The following TNFRSF10D variants were observed in gnomAD, a reference collection of about 807,000 sequenced individuals.
TNFRSF10D encodes the protein TNF receptor superfamily member 10d.
TNFRSF10D carries 28 observed loss-of-function variants against 42.1 expected under a neutral mutation model. That is an observed-to-expected ratio of 0.66 (90% CI 0.49 to 0.91). TNFRSF10D has a LOEUF of 0.91. TNFRSF10D is among the 40% of genes least tolerant of loss of function. The pLI is 0.00. For missense variants in TNFRSF10D, 503 were observed against 486.1 expected, an observed-to-expected ratio of 1.03 and a Z score of -0.33; for synonymous variants, 186 against 189.4, an observed-to-expected ratio of 0.98 and a Z score of 0.15.
chr8:23,163,867 C>T lies in TNFRSF10D; in HGVS notation c.69G>A (p.Arg23=). 10 of 1,603,758 alleles carry T rather than the reference C, an allele frequency of 6.2e-6. No homozygotes were observed. Among genetic ancestry groups the T allele is most frequent in the South Asian group, 1.1e-5 (1 of 89,284 alleles). ...SARAGRYPGA[R]TASGTRPWLL... ...GCCATGGTCTGGTTCCCGACGCTGTCCTGGCTCCTGGATAGCGCCCTGCTC... is the reference window on the plus strand; with the variant it reads ...GCCATGGTCTGGTTCCCGACGCTGTTCTGGCTCCTGGATAGCGCCCTGCTC... The change falls in exon 1 of 9, where the codon AGG becomes AGA. Residue 23 remains arginine (R), a synonymous_variant. Transcript: ENST00000312584.
chr8:23,163,902 A>G lies in TNFRSF10D; in HGVS notation c.34T>C (p.Ser12Pro). 6.3e-7 allele frequency: 1 copy of G among 1,589,638 alleles called. No homozygotes were observed. The highest frequency in any genetic ancestry group is 8.5e-7 in the Non-Finnish European group (1 of 1,171,062). The change falls in exon 1 of 9, where the codon TCG becomes CCG. Residue 12 changes from serine to proline, a missense_variant. Transcript: ENST00000312584. Reference protein sequence around the residue: ...GLWGQSVPTASSARAGRYPGA... With the variant: ...GLWGQSVPTAPSARAGRYPGA... ...GGATAGCGCCCTGCTCGAGCGCTCGAGGCGGTCGGGACGCTTTGTCCCCAA... is the reference window on the plus strand; with the variant it reads ...GGATAGCGCCCTGCTCGAGCGCTCGGGGCGGTCGGGACGCTTTGTCCCCAA...
chr8:23,161,453 A>G (rs1309590028), intron 1 of TNFRSF10D, among the ~76,000 whole-genome samples: 3 of 152,232 alleles, frequency 2.0e-5, no homozygotes, highest in Non-Finnish European at 4.4e-5. Flanking sequence ...CTCCAGGCTC[A>G]TCTGATGTCC....
At position 23,163,819 on chromosome 8, in the gene TNFRSF10D, C is replaced by A. The variant is rs1218937552; in HGVS notation, c.117G>T (p.Lys39Asn). The A allele has an allele frequency of 6.2e-7, 1 of 1,609,290 alleles. No homozygotes were observed. ...RPWLLDPKIL[K>N]FVVFIVAVLL... is the part of the protein sequence containing the mutation. Reference sequence around the variant, plus strand: ...GAACCGCGACGATGAAGACGACGAACTTAAGGATCTTGGGGTCCAGGAGCC... The same window carrying A: ...GAACCGCGACGATGAAGACGACGAAATTAAGGATCTTGGGGTCCAGGAGCC... The change falls in exon 1 of 9, where the codon AAG becomes AAT. Residue 39 changes from lysine (K) to asparagine (N), a missense_variant. Coordinates refer to ENST00000312584, the MANE Select transcript of TNFRSF10D (RefSeq NM_003840.5).
chr8:23,159,654 G>C (rs1056492332), intron 1 of TNFRSF10D, among the ~76,000 whole-genome samples: 1 of 152,162 alleles, frequency 6.6e-6, no homozygotes, highest in East Asian at 1.9e-4. Context: ...ACCTGAGCTC[G>C]ACTTCGAGAC....
intron 2 of TNFRSF10D, 28 bp downstream of exon 2, chr8:23,154,846 A>G: frequency 1.9e-6 from 3 of 1,580,896 alleles, no homozygotes; most frequent in East Asian, 2.3e-5. Flanking sequence ...AACTAAAAAT[A>G]AACTGATTTT....
At chr8:23,163,260 G>T (rs1343270898) in intron 1 of TNFRSF10D, among the ~76,000 whole-genome samples, 1 of 152,008 alleles carries the variant, frequency 6.6e-6, no homozygotes, top group African/African-American at 2.4e-5. Flanking sequence ...CCGCCATCAC[G>T]TCCGGCTAAT....
intron 1 of TNFRSF10D, 45 bp downstream of exon 1, chr8:23,163,741 G>A (rs772471964): frequency 1.3e-6 from 2 of 1,591,842 alleles, no homozygotes; most frequent in Non-Finnish European, 1.7e-6. Flanking sequence ...CACTCCCGGC[G>A]CCAGGTGCGC....
chr8:23,136,549 C>T lies in TNFRSF10D; in HGVS notation c.*1321G>A, dbSNP rs878948468. The stretch of plus-strand genomic sequence containing the variant: ...GGCAGATGCCGGGGCAGATAAACAC[C>T]TGCTCTGCCCTGAGCCCAAATGAGG... On this transcript the variant is annotated 3_prime_UTR_variant, in exon 9 of 9. Coordinates refer to ENST00000312584, the MANE Select transcript of TNFRSF10D (RefSeq NM_003840.5). 983 of 159,140 alleles carry T rather than the reference C, an allele frequency of 6.2e-3. No individual in the cohort carries two copies. Among genetic ancestry groups the T allele is most frequent in the South Asian group, 0.02 (110 of 5,626 alleles). 9.9% of individuals were successfully genotyped at this position (159,140 alleles called of 1,614,324 possible). A position where few individuals can be genotyped will look rare whatever the true frequency, so the allele number is the denominator to read the frequency against.
In TNFRSF10D at chr8:23,137,807, G is replaced by A. The variant is rs1485298406; in HGVS notation, c.*63C>T. 1 of 1,565,410 alleles carries A rather than the reference G, an allele frequency of 6.4e-7. No homozygotes were observed. Among genetic ancestry groups the A allele is most frequent in the African/African-American group, 1.4e-5 (1 of 73,186 alleles). The stretch of plus-strand genomic sequence containing the variant: ...TCAAGTACTGGACTGTTTCTTCCAG[G>A]CTGCTTCCCTTTGTAGGAGAAAAGG... On this transcript the variant is annotated 3_prime_UTR_variant, in exon 9 of 9. Coordinates refer to ENST00000312584, the MANE Select transcript of TNFRSF10D (RefSeq NM_003840.5).
intron 2 of TNFRSF10D, among the ~76,000 whole-genome samples, chr8:23,150,370 C>T (rs1463050917): frequency 1.3e-5 from 2 of 152,218 alleles, no homozygotes; most frequent in Non-Finnish European, 2.9e-5. Flanking sequence ...ACCACATGGC[C>T]TGCCCAGAAT....
At chr8:23,163,637 C>T in intron 1 of TNFRSF10D, 149 bp downstream of exon 1, 4 of 1,299,502 alleles carry the variant, frequency 3.1e-6, no homozygotes, top group Middle Eastern at 1.9e-4. Context: ...CCACTCTTCC[C>T]CTGACTCCGA....
At chr8:23,154,598 C>G (rs962316503) in intron 2 of TNFRSF10D, among the ~76,000 whole-genome samples, 2 of 151,904 alleles carry the variant, frequency 1.3e-5, no homozygotes, top group Non-Finnish European at 2.9e-5. Flanking sequence ...TGGTTGCAAC[C>G]ACGGATGCAA....
intron 2 of TNFRSF10D, among the ~76,000 whole-genome samples, chr8:23,149,001 T>G (rs372750998): frequency 2.0e-5 from 3 of 151,456 alleles, no homozygotes; most frequent in Admixed American, 6.6e-5. Flanking sequence ...CCATCCTGGC[T>G]AACACAGTGA....
At chr8:23,154,211 A>C (rs115840202) in intron 2 of TNFRSF10D, among the ~76,000 whole-genome samples, 936 of 152,222 alleles carry the variant, frequency 6.1e-3, no homozygotes, top group African/African-American at 0.019. Flanking sequence ...CCAGCGCTGT[A>C]TTTGCACGGT....
chr8:23,163,638 C>T (rs1800407523), intron 1 of TNFRSF10D, 148 bp downstream of exon 1: 1 of 1,307,442 alleles, frequency 7.6e-7, no homozygotes, highest in Non-Finnish European at 1.0e-6. Flanking sequence ...CACTCTTCCC[C>T]TGACTCCGAC....
intron 7 of TNFRSF10D, among the ~76,000 whole-genome samples, chr8:23,140,422 C>G (rs1321530147): frequency 2.0e-5 from 3 of 147,536 alleles, no homozygotes; most frequent in African/African-American, 7.5e-5. Flanking sequence ...ACACACAATA[C>G]CTAGAAATAC....
At chr8:23,140,005 C>T (rs1305272228) in intron 7 of TNFRSF10D, among the ~76,000 whole-genome samples, 4 of 151,948 alleles carry the variant, frequency 2.6e-5, no homozygotes, top group South Asian at 2.1e-4. Context: ...ATTAACGGGG[C>T]GTAGCTGGGT....
At chr8:23,149,387 A>G (rs1021133843) in intron 2 of TNFRSF10D, among the ~76,000 whole-genome samples, 10 of 150,966 alleles carry the variant, frequency 6.6e-5, no homozygotes, top group Admixed American at 6.6e-4. Context: ...ACAGGCACCC[A>G]CCACCACGCC....
chr8:23,158,441 A>T (rs1800311635), intron 1 of TNFRSF10D, among the ~76,000 whole-genome samples: 1 of 152,210 alleles, frequency 6.6e-6, no homozygotes, highest in Non-Finnish European at 1.5e-5. Flanking sequence ...CACAGACAGC[A>T]TCTGTGTCTT....
Sources: allele counts gnomAD v4.1 joint callset (sites outside exome capture counted in the v4.1 genomes callset), GRCh38; gene constraint gnomAD v4.1.1; transcripts MANE v1.5; gene names NCBI Gene and HGNC (gene_info 2026-07-23, HGNC 2026-07-21).